ADGRA1: variants seen among roughly 807,000 people sequenced by gnomAD.
The protein encoded by ADGRA1 is G-protein coupled receptor 123.
A neutral mutation model predicts 21.3 loss-of-function variants in ADGRA1; 12 were observed. That is an observed-to-expected ratio of 0.56 (90% CI 0.36 to 0.91). The LOEUF (loss-of-function observed/expected upper bound fraction) is 0.91. ADGRA1 is among the 40% of genes least tolerant of loss of function. The pLI is 0.01. For synonymous variants in ADGRA1, 385 were observed against 368.8 expected (o/e 1.04, Z -0.50); for missense variants, 790 against 805.6 (o/e 0.98, Z 0.23).
intron 4 of ADGRA1, among the ~76,000 whole-genome samples, chr10:133,100,169 G>A (rs9419101): frequency 4.6e-5 from 7 of 152,106 alleles, no homozygotes; most frequent in East Asian, 1.9e-4. Flanking sequence ...CCGTGCCCCC[G>A]GCCTGGGCCT....
At chr10:133,111,807 A>G (rs61862109) in intron 5 of ADGRA1, among the ~76,000 whole-genome samples, 1,906 of 8,676 alleles carry the variant, frequency 0.22, 10 homozygotes, top group Middle Eastern at 0.42. Context: ...TGCCCACCAC[A>G]GGCACCTCCC....
intron 5 of ADGRA1, among the ~76,000 whole-genome samples, chr10:133,104,217 T>G (rs1475097699): frequency 6.6e-6 from 1 of 152,248 alleles, no homozygotes; most frequent in Non-Finnish European, 1.5e-5. Context: ...GCAGACACGT[T>G]GCCACTTAGC....
In ADGRA1 at chr10:133,121,892, G is replaced by A. The variant is rs531232165; in HGVS notation, c.402-5341G>A. Reference sequence around the variant, plus strand: ...CTGTGTGTGGTGTGTGCCAGTGTGCGTGCGTGCAAGTGTGAGTGCCTGTGC... The same window carrying A: ...CTGTGTGTGGTGTGTGCCAGTGTGCATGCGTGCAAGTGTGAGTGCCTGTGC... On this transcript the variant is annotated intron_variant, in intron 5 of 6. Coordinates refer to ENST00000392607, the MANE Select transcript of ADGRA1 (RefSeq NM_001083909.3). Among the ~76,000 whole-genome samples, 320 of 149,688 alleles carry A rather than the reference G, an allele frequency of 2.1e-3. 1 individual carries two copies. Among genetic ancestry groups the A allele is most frequent in the Middle Eastern group, 3.6e-3 (1 of 278 alleles).
intron 5 of ADGRA1, among the ~76,000 whole-genome samples, chr10:133,111,129 G>A (rs1432590869): frequency 1.4e-4 from 15 of 105,926 alleles, no homozygotes; most frequent in African/African-American, 3.0e-4. Flanking sequence ...CCACCTGCCC[G>A]CCAGGGGTGC....
chr10:133,112,505 CAG>C (rs1852062034), intron 5 of ADGRA1, among the ~76,000 whole-genome samples: 1 of 148,340 alleles, frequency 6.7e-6, no homozygotes, highest in African/African-American at 2.5e-5. Context: ...GGTCTGTAAG[CAG>C]TGTTGGTTAT....
intron 1 of ADGRA1, 27 bp downstream of exon 1, chr10:133,088,165 G>T: frequency 5.2e-6 from 5 of 953,566 alleles, no homozygotes; most frequent in Non-Finnish European, 6.2e-6. Flanking sequence ...GGTCTGGGCG[G>T]CGGGAGGGAC....
intron 5 of ADGRA1, among the ~76,000 whole-genome samples, chr10:133,125,545 T>A (rs992151831): frequency 6.6e-6 from 1 of 152,150 alleles, no homozygotes; most frequent in African/African-American, 2.4e-5. Flanking sequence ...TGTCTCAGCC[T>A]CCCGAGTAGC....
chr10:133,095,585 G>A, intron 2 of ADGRA1: 2 of 1,519,692 alleles, frequency 1.3e-6, no homozygotes, highest in Non-Finnish European at 1.8e-6. Context: ...GGCCAGTGCT[G>A]TTCGAACCCT....
At chr10:133,100,586 G>T (rs902339263) in intron 4 of ADGRA1, among the ~76,000 whole-genome samples, 2 of 152,240 alleles carry the variant, frequency 1.3e-5, no homozygotes, top group East Asian at 3.9e-4. Context: ...GTTCCAGAGG[G>T]TTGCAATCTT....
chr10:133,094,922 C>T (rs906917782), intron 2 of ADGRA1, among the ~76,000 whole-genome samples: 5 of 152,124 alleles, frequency 3.3e-5, no homozygotes, highest in South Asian at 2.1e-4. Context: ...GGGATTTGGC[C>T]GGGAAAACAT....
intron 2 of ADGRA1, among the ~76,000 whole-genome samples, chr10:133,090,428 A>G (rs1851579235): frequency 6.6e-6 from 1 of 152,192 alleles, no homozygotes; most frequent in African/African-American, 2.4e-5. Flanking sequence ...GCATTTCAGC[A>G]GCTCACTGTT....
chr10:133,116,840 G>A (rs1339709281), intron 5 of ADGRA1, among the ~76,000 whole-genome samples: 2 of 152,092 alleles, frequency 1.3e-5, no homozygotes, highest in Admixed American at 6.5e-5. Context: ...CAGGCGCCTC[G>A]AGCAGAGACT....
Position 133,117,324 on chromosome 10 carries a change from G to A in ADGRA1, c.402-9909G>A, listed in dbSNP as rs372812209. ...AGACCTGTGCACACAGAGCAGGCAC[G>A]CGCCGAAAGCCTGGCCTGAGTGAGT... On this transcript the variant is annotated intron_variant, in intron 5 of 6. Transcript: ENST00000392607. 5.3e-5 allele frequency among the ~76,000 whole-genome samples: 8 copies of A among 152,314 alleles called. 1 individual carries two copies. The highest frequency in any genetic ancestry group is 6.5e-5 in the Admixed American group (1 of 15,304).
chr10:133,122,255 G>A (rs903644527), intron 5 of ADGRA1, among the ~76,000 whole-genome samples: 3 of 152,236 alleles, frequency 2.0e-5, no homozygotes, highest in Admixed American at 1.3e-4. Flanking sequence ...CACTGCAACC[G>A]GTGAGAGGTG....
At chr10:133,128,257 T>C (rs1342118809) in intron 6 of ADGRA1, 72 bp from the exon 7 acceptor site, 16 of 1,221,510 alleles carry the variant, frequency 1.3e-5, no homozygotes, top group Non-Finnish European at 1.8e-5. Flanking sequence ...TGCAGGGCCC[T>C]TTGCTCTGCA....
chr10:133,125,510 G>A (rs569930487), intron 5 of ADGRA1, among the ~76,000 whole-genome samples: 2 of 152,248 alleles, frequency 1.3e-5, no homozygotes, highest in African/African-American at 2.4e-5. Context: ...TGCAAACCCC[G>A]CCTCCTGGGT....
chr10:133,089,005 T>C, intron 2 of ADGRA1, 93 bp downstream of exon 2: 5 of 1,234,460 alleles, frequency 4.1e-6, no homozygotes, highest in Non-Finnish European at 5.1e-6. Context: ...CTGGAAAAGT[T>C]GTGGAATGGC....
rs187082090 is a variant in ADGRA1 at position 133,108,168 on chromosome 10, C to G, written c.401+5326C>G. Among the ~76,000 whole-genome samples, 27 of 152,362 alleles carry G rather than the reference C, an allele frequency of 1.8e-4. 1 individual carries two copies. Among genetic ancestry groups the G allele is most frequent in the African/African-American group, 6.5e-4 (27 of 41,578 alleles). On this transcript the variant is annotated intron_variant, in intron 5 of 6. Coordinates refer to ENST00000392607, the MANE Select transcript of ADGRA1 (RefSeq NM_001083909.3). ...CTCCCCGAGCACACCTGGGAGTGTG[C>G]AGGACCTGCTGCCCTGCTGGTGTCT...
chr10:133,107,098 T>C (rs1851907716), intron 5 of ADGRA1, among the ~76,000 whole-genome samples: 1 of 152,264 alleles, frequency 6.6e-6, no homozygotes, highest in Non-Finnish European at 1.5e-5. Context: ...TCTTTTGATG[T>C]TATTATAAAT....
Sources: gnomAD v4.1 joint callset for allele counts (sites outside exome capture counted in the v4.1 genomes callset) on GRCh38, gnomAD v4.1.1 for gene constraint, MANE v1.5 for transcripts, NCBI Gene and HGNC (gene_info 2026-07-23, HGNC 2026-07-21) for gene names.